The following SEMA3A variants were observed in gnomAD, a reference collection of about 807,000 sequenced individuals.
The protein encoded by SEMA3A is semaphorin-3A.
A neutral mutation model predicts 97.9 loss-of-function variants in SEMA3A; 29 were observed. The ratio of observed to expected loss-of-function variants is 0.30; its 90% CI spans 0.22 to 0.40. The LOEUF (loss-of-function observed/expected upper bound fraction) is 0.40. SEMA3A is among the 10% of genes least tolerant of loss of function. The probability of loss-of-function intolerance (pLI) is 1.00; values close to 1 mark genes in which losing one functional copy is unlikely to be tolerated. For synonymous variants in SEMA3A, 321 were observed against 323.7 expected, an observed-to-expected ratio of 0.99 and a Z score of 0.09; for missense variants, 763 against 951.3, an observed-to-expected ratio of 0.80 and a Z score of 2.60.
chr7:84,432,176 A>G (rs1032755628), intron 1 of SEMA3A, among the ~76,000 whole-genome samples: 1 of 152,128 alleles, frequency 6.6e-6, no homozygotes, highest in Admixed American at 6.6e-5. Flanking sequence ...TACAAAGCTT[A>G]AAAATGACAA....
chr7:84,117,513 C>G (rs112151658), intron 3 of SEMA3A, among the ~76,000 whole-genome samples: 2 of 152,150 alleles, frequency 1.3e-5, no homozygotes, highest in African/African-American at 4.8e-5. Flanking sequence ...AGCAGCAGGC[C>G]GGCCAGCACT....
chr7:84,034,341 T>G (rs1425286137), intron 6 of SEMA3A, among the ~76,000 whole-genome samples: 1 of 152,198 alleles, frequency 6.6e-6, no homozygotes, highest in East Asian at 1.9e-4. Context: ...CAAACATTCC[T>G]TACATGTAAA....
intron 7 of SEMA3A, among the ~76,000 whole-genome samples, chr7:84,012,561 C>G (rs1790925152): frequency 1.3e-5 from 2 of 152,056 alleles, no homozygotes. Context: ...GCCTTAAATA[C>G]ACATACAAAA....
chr7:84,253,584 A>G (rs6946162), intron 3 of SEMA3A, among the ~76,000 whole-genome samples: 107,524 of 152,074 alleles, frequency 0.71, 38,234 homozygotes, highest in East Asian at 0.79. Context: ...TATAATATAC[A>G]TGCTTTATAT....
chr7:84,157,363 C>G (rs1367982982), intron 1 of SEMA3A, among the ~76,000 whole-genome samples: 2 of 152,142 alleles, frequency 1.3e-5, no homozygotes, highest in Non-Finnish European at 2.9e-5. Context: ...TGAATAACAT[C>G]TGTAGGCATC....
intron 2 of SEMA3A, among the ~76,000 whole-genome samples, chr7:84,353,333 T>C (rs907481080): frequency 6.7e-5 from 10 of 149,544 alleles, no homozygotes; most frequent in Admixed American, 5.9e-4. Context: ...TATTCATACA[T>C]ACATAAATAT....
At chr7:84,045,969 A>AG (rs1037389801) in intron 6 of SEMA3A, among the ~76,000 whole-genome samples, 1 of 80,212 alleles carries the variant, frequency 1.2e-5, no homozygotes. Flanking sequence ...AGAGATGTAA[A>AG]GGAAAAAAAA....
chr7:84,397,516 T>A (rs1408509952), intron 1 of SEMA3A, among the ~76,000 whole-genome samples: 1 of 149,200 alleles, frequency 6.7e-6, no homozygotes, highest in Non-Finnish European at 1.5e-5. Flanking sequence ...ATATTACATA[T>A]ATTACATATA....
In SEMA3A at chr7:84,408,220, C is replaced by A. The variant is rs545812517; in HGVS notation, c.-245-36320G>T. Among the ~76,000 whole-genome samples, 6 of 152,118 alleles carry A rather than the reference C, an allele frequency of 3.9e-5. No individual in the cohort carries two copies. The East Asian group carries it at 5.8e-4, about 15-fold the overall frequency. ...AGAAAAAAACAAACAACCCCATCAA[C>A]AAGTGGGTGAAGGATATGAACAGAC... is the stretch of plus-strand genomic sequence containing the variant. On this transcript the variant is annotated intron_variant, in intron 1 of 3. Coordinates refer to the SEMA3A transcript ENST00000424555.
intron 1 of SEMA3A, among the ~76,000 whole-genome samples, chr7:84,481,161 A>C (rs1806434197): frequency 6.6e-6 from 1 of 152,174 alleles, no homozygotes; most frequent in African/African-American, 2.4e-5. Flanking sequence ...AAGGCTTCTA[A>C]GTAAAGAAAG....
chr7:84,247,348 T>A lies in SEMA3A; in HGVS notation c.-82-52680A>T, dbSNP rs570894685. 9.2e-5 allele frequency among the ~76,000 whole-genome samples: 14 copies of A among 152,276 alleles called. No homozygotes were observed. In the South Asian group the frequency reaches 2.9e-3, roughly 32 times the overall value. The stretch of plus-strand genomic sequence containing the variant: ...TGTATTCAACATCAAGATTAACATA[T>A]TGTCATATTTGGTTCTAGTCCATCA... On this transcript the variant is annotated intron_variant, in intron 3 of 3. Transcript: ENST00000424555.
At chr7:84,107,126 C>T (rs900866631) in intron 4 of SEMA3A, among the ~76,000 whole-genome samples, 1 of 152,072 alleles carries the variant, frequency 6.6e-6, no homozygotes, top group Non-Finnish European at 1.5e-5. Context: ...AGCCAATAAT[C>T]CTGGCCTCTG....
chr7:84,145,346 T>C (rs1426767000), intron 1 of SEMA3A, among the ~76,000 whole-genome samples: 3 of 152,182 alleles, frequency 2.0e-5, no homozygotes, highest in East Asian at 3.9e-4. Flanking sequence ...CCCTAGAACC[T>C]ACTCCTGGCG....
chr7:84,321,897 A>AAAG (rs1453146442), intron 2 of SEMA3A, among the ~76,000 whole-genome samples: 101 of 84,294 alleles, frequency 1.2e-3, no homozygotes, highest in African/African-American at 4.5e-3. Context: ...AAAAAAAAAA[A>AAAG]AAGAAGAAGA....
intron 2 of SEMA3A, among the ~76,000 whole-genome samples, chr7:84,363,158 T>C (rs1468638082): frequency 2.0e-5 from 3 of 151,856 alleles, no homozygotes; most frequent in Admixed American, 2.0e-4. Context: ...TCTGACAAAT[T>C]CCTGACACAC....
rs1583969054 is a variant in SEMA3A at position 84,101,765 on chromosome 7, T to G, written c.453+8705A>C. Among the ~76,000 whole-genome samples the G allele has an allele frequency of 8.5e-5, 13 of 152,290 alleles. 1 individual carries two copies. The South Asian group carries it at 2.7e-3, about 32-fold the overall frequency. Reference sequence around the variant, plus strand: ...GTCATTCTGCATTCTATCTTTGCTTTACTTTGTAGGACTGAGCTGTCCTAT... The same window carrying G: ...GTCATTCTGCATTCTATCTTTGCTTGACTTTGTAGGACTGAGCTGTCCTAT... On this transcript the variant is annotated intron_variant, in intron 4 of 16. Coordinates refer to ENST00000265362, the MANE Select transcript of SEMA3A (RefSeq NM_006080.3).
chr7:84,471,731 C>T (rs112497170), intron 1 of SEMA3A, among the ~76,000 whole-genome samples: 7 of 152,102 alleles, frequency 4.6e-5, no homozygotes, highest in African/African-American at 1.7e-4. Flanking sequence ...CCCAATTCCC[C>T]CAACCAAAAA....
intron 4 of SEMA3A, among the ~76,000 whole-genome samples, chr7:84,094,182 GC>G (rs1794680029): frequency 6.6e-6 from 1 of 152,086 alleles, no homozygotes; most frequent in South Asian, 2.1e-4. Context: ...GGAACCATAT[GC>G]CTTGGTGACG....
At chr7:84,163,334 C>T (rs1024809253) in intron 1 of SEMA3A, among the ~76,000 whole-genome samples, 5 of 152,068 alleles carry the variant, frequency 3.3e-5, no homozygotes, top group African/African-American at 1.2e-4. Context: ...TTAAAACACA[C>T]TTTTAAAAAG....
Sources: gnomAD v4.1 joint callset for allele counts (sites outside exome capture counted in the v4.1 genomes callset) on GRCh38, gnomAD v4.1.1 for gene constraint, MANE v1.5 for transcripts, NCBI Gene and HGNC (gene_info 2026-07-23, HGNC 2026-07-21) for gene names.